The following SGCD variants were observed in gnomAD, a reference collection of about 807,000 sequenced individuals.
The protein encoded by SGCD is delta-sarcoglycan.
Under a neutral mutation model 36.6 loss-of-function variants are expected in SGCD, and 18 were observed. The ratio of observed to expected loss-of-function variants is 0.49; its 90% CI spans 0.34 to 0.73. The LOEUF is 0.73. SGCD is among the 30% of genes least tolerant of loss of function. The pLI is 0.01. For missense variants in SGCD, 387 were observed against 346.7 expected (o/e 1.12, Z -0.92); for synonymous variants, 133 against 130.6 (o/e 1.02, Z -0.12).
intron 7 of SGCD, among the ~76,000 whole-genome samples, chr5:156,756,276 A>G (rs933841883): frequency 2.0e-5 from 3 of 152,152 alleles, no homozygotes; most frequent in South Asian, 2.1e-4. Flanking sequence ...ATTGGGTATG[A>G]TGGTTCACGC....
the SGCD span, among the ~76,000 whole-genome samples, chr5:155,799,810 CCCTTTTTTTTT>C: frequency 4.7e-4 from 42 of 90,294 alleles, no homozygotes; most frequent in East Asian, 6.2e-3. Context: ...CTTCCTATTC[CCCTTTTTTTTT>C]TTTTTTTTTT....
At chr5:156,132,456 G>GTTTTTTTTTT (rs1561532851) in intron 3 of SGCD, among the ~76,000 whole-genome samples, 11 of 73,574 alleles carry the variant, frequency 1.5e-4, no homozygotes, top group Non-Finnish European at 2.2e-4. Flanking sequence ...AACTTACCAA[G>GTTTTTTTTTT]TCTTTTTTTT....
intron 3 of SGCD, among the ~76,000 whole-genome samples, chr5:156,180,738 A>G (rs1455797428): frequency 6.6e-6 from 1 of 152,174 alleles, no homozygotes; most frequent in Non-Finnish European, 1.5e-5. Flanking sequence ...GATGATTGAG[A>G]CTTAAATACT....
At chr5:156,428,054 T>C (rs1166395879) in intron 3 of SGCD, among the ~76,000 whole-genome samples, 1 of 152,196 alleles carries the variant, frequency 6.6e-6, no homozygotes, top group African/African-American at 2.4e-5. Flanking sequence ...CTTCATAGAA[T>C]GATTTAGGGA....
chr5:156,100,506 A>G lies in SGCD; in HGVS notation c.-281-17372A>G, dbSNP rs1004767551. On this transcript the variant is annotated intron_variant, in intron 1 of 9. Coordinates refer to the SGCD transcript ENST00000517913. Reference sequence around the variant, plus strand: ...TAGCATATGGTGGGTGGCACTAGACATCTTTATTTCTTATAGGAGCTCTTC... The same window carrying G: ...TAGCATATGGTGGGTGGCACTAGACGTCTTTATTTCTTATAGGAGCTCTTC... Among the ~76,000 whole-genome samples the G allele has an allele frequency of 3.3e-5, 5 of 152,292 alleles. No homozygotes were observed. In the East Asian group the frequency reaches 7.7e-4, roughly 24 times the overall value.
intron 7 of SGCD, among the ~76,000 whole-genome samples, chr5:156,725,965 TTCTA>T (rs1180994336): frequency 6.6e-6 from 1 of 152,252 alleles, no homozygotes; most frequent in Non-Finnish European, 1.5e-5. Flanking sequence ...GTCAACTATT[TTCTA>T]TCTGTCACTT....
intron 2 of SGCD, among the ~76,000 whole-genome samples, chr5:156,123,611 G>C (rs1388395303): frequency 6.6e-6 from 1 of 152,080 alleles, no homozygotes; most frequent in Non-Finnish European, 1.5e-5. Flanking sequence ...AGTTAAATGA[G>C]CAAATTTGAT....
At chr5:156,131,435 TATGTG>T (rs1334604130) in intron 3 of SGCD, among the ~76,000 whole-genome samples, 2 of 152,218 alleles carry the variant, frequency 1.3e-5, no homozygotes, top group African/African-American at 4.8e-5. Context: ...AAAAAACTAA[TATGTG>T]ATGGTTACTT....
intron 1 of SGCD, among the ~76,000 whole-genome samples, chr5:156,053,917 G>A (rs998081643): frequency 6.9e-6 from 1 of 145,788 alleles, no homozygotes; most frequent in African/African-American, 2.5e-5. Context: ...GGGCAAGGGA[G>A]CTCATCTGAG....
chr5:155,738,822 AGTGT>A, the SGCD span, among the ~76,000 whole-genome samples: 1 of 140,830 alleles, frequency 7.1e-6, no homozygotes, highest in African/African-American at 2.7e-5. Context: ...AGTGTGTGAG[AGTGT>A]GTGTGAGACT....
intron 3 of SGCD, among the ~76,000 whole-genome samples, chr5:156,277,272 C>A (rs560268462): frequency 2.0e-5 from 3 of 152,164 alleles, no homozygotes; most frequent in East Asian, 1.9e-4. Flanking sequence ...CCTTCCCCTG[C>A]CTCTTCCTTT....
chr5:156,145,347 C>T (rs1762685786), intron 3 of SGCD, among the ~76,000 whole-genome samples: 2 of 152,184 alleles, frequency 1.3e-5, no homozygotes, highest in African/African-American at 4.8e-5. Context: ...CTGATGCTGC[C>T]ATGCTTTCTG....
At chr5:155,879,227 CAA>C (rs1478491021) in intron 1 of SGCD, among the ~76,000 whole-genome samples, 1 of 152,142 alleles carries the variant, frequency 6.6e-6, no homozygotes, top group East Asian at 1.9e-4. Flanking sequence ...TTGTAAATTT[CAA>C]AGTTAAAACT....
At position 155,942,330 on chromosome 5, in the gene SGCD, G is replaced by GTATC. The variant is rs1272237547; in HGVS notation, c.-282+71909_-282+71910insCTAT. Reference sequence around the variant, plus strand: ...TGTATGTATGTATGTATGTATGTATGTATGTATCTATCTATCTATCTATCT... The same window carrying GTATC: ...TGTATGTATGTATGTATGTATGTATGTATCTATGTATCTATCTATCTATCTATCT... On this transcript the variant is annotated intron_variant, in intron 1 of 9. Coordinates refer to the SGCD transcript ENST00000517913. Among the ~76,000 whole-genome samples the GTATC allele has an allele frequency of 3.0e-3, 402 of 135,588 alleles. 1 individual carries two copies. The highest frequency in any genetic ancestry group is 0.022 in the Middle Eastern group (6 of 270). The allele number at this position is 135,588 out of a possible 152,430, so 89.0% of individuals were successfully genotyped here. A position where few individuals can be genotyped will look rare whatever the true frequency, so the allele number is the denominator to read the frequency against.
intron 1 of SGCD, among the ~76,000 whole-genome samples, chr5:156,044,818 A>G (rs1037689243): frequency 4.6e-5 from 7 of 152,160 alleles, no homozygotes; most frequent in African/African-American, 1.4e-4. Context: ...GATCCAAACC[A>G]TAAGTTTGTG....
chr5:156,371,972 C>G (rs1244065390), intron 3 of SGCD, among the ~76,000 whole-genome samples: 5 of 152,206 alleles, frequency 3.3e-5, no homozygotes, highest in African/African-American at 1.2e-4. Context: ...TATTCCATGT[C>G]TCCATCAGGG....
At chr5:156,385,522 G>T (rs1337289562) in intron 3 of SGCD, among the ~76,000 whole-genome samples, 1 of 152,210 alleles carries the variant, frequency 6.6e-6, no homozygotes, top group Non-Finnish European at 1.5e-5. Flanking sequence ...ATCCTCACTG[G>T]TATTTTATTT....
intron 3 of SGCD, among the ~76,000 whole-genome samples, chr5:156,507,415 T>C (rs984378893): frequency 6.6e-6 from 1 of 152,226 alleles, no homozygotes; most frequent in Non-Finnish European, 1.5e-5. Context: ...ATAGCCCTTC[T>C]GACACCTTGA....
chr5:156,644,218 T>C (rs898767605), intron 6 of SGCD, among the ~76,000 whole-genome samples: 5 of 152,204 alleles, frequency 3.3e-5, no homozygotes, highest in African/African-American at 1.2e-4. Context: ...CGGATGCTAT[T>C]TGCTGTCCTA....
Sources: gnomAD v4.1 joint callset for allele counts (sites outside exome capture counted in the v4.1 genomes callset) on GRCh38, gnomAD v4.1.1 for gene constraint, MANE v1.5 for transcripts, NCBI Gene and HGNC (gene_info 2026-07-23, HGNC 2026-07-21) for gene names.